The following MAU2 variants were observed in gnomAD, a reference collection of about 807,000 sequenced individuals.
The protein encoded by MAU2 is MAU2 chromatid cohesion factor homolog.
A neutral mutation model predicts 89.1 loss-of-function variants in MAU2; 9 were observed. That is an observed-to-expected ratio of 0.10 (90% CI 0.06 to 0.18). MAU2 has a LOEUF of 0.18. Among genes scored for constraint, MAU2 ranks in the 10% least tolerant of loss-of-function variants. The pLI is 1.00. For synonymous variants in MAU2, 357 were observed against 343.4 expected (o/e 1.04, Z -0.44); for missense variants, 425 against 803.5 (o/e 0.53, Z 5.69).
chr19:19,344,554 C>T, intron 10 of MAU2: 1 of 513,328 alleles, frequency 1.9e-6, no homozygotes, highest in Non-Finnish European at 3.5e-6. Context: ...CACTCTACCC[C>T]CAGTACCCAC....
In MAU2 at chr19:19,321,143, C is replaced by T. The variant is rs778933017; in HGVS notation, c.276+8C>T. 3.8e-6 allele frequency: 6 copies of T among 1,581,308 alleles called. No individual in the cohort carries two copies. Among genetic ancestry groups the T allele is most frequent in the Non-Finnish European group, 4.3e-6 (5 of 1,163,448 alleles). On this transcript the variant is annotated splice_region_variant and intron_variant, in intron 1 of 18. Coordinates refer to ENST00000262815, the MANE Select transcript of MAU2 (RefSeq NM_015329.4). Reference sequence around the variant, plus strand: ...AGCCACCTGGAGAAGGCGGTGAGCGCGGGCCGGGCCGCGAGGGAGGAGTCG... The same window carrying T: ...AGCCACCTGGAGAAGGCGGTGAGCGTGGGCCGGGCCGCGAGGGAGGAGTCG...
rs567297359 is a variant in MAU2, at chr19:19,322,860, G to A, written c.276+1725G>A. Among the ~76,000 whole-genome samples the A allele has an allele frequency of 1.2e-4, 19 of 152,246 alleles. No homozygotes were observed. In the East Asian group the frequency reaches 3.7e-3, roughly 29 times the overall value. ...AAATCTTTGTTTCACAGACTGAAAAGTTGGAAGGAGACTTTATTTTATTTT... is the reference window on the plus strand; with the variant it reads ...AAATCTTTGTTTCACAGACTGAAAAATTGGAAGGAGACTTTATTTTATTTT... On this transcript the variant is annotated intron_variant, in intron 1 of 18. Transcript: ENST00000262815.
intron 1 of MAU2, among the ~76,000 whole-genome samples, chr19:19,324,715 C>G (rs755264737): frequency 3.9e-5 from 6 of 152,220 alleles, no homozygotes; most frequent in Non-Finnish European, 7.3e-5. Context: ...GAAGGGTCTT[C>G]CACTGAGCCA....
rs933726950 is a variant in MAU2 at position 19,348,917 on chromosome 19, C to T, written c.1337C>T (p.Pro446Leu). 1 of 1,613,816 alleles carries T rather than the reference C, an allele frequency of 6.2e-7. No homozygotes were observed. Among genetic ancestry groups the T allele is most frequent in the Non-Finnish European group, 8.5e-7 (1 of 1,179,964 alleles). ...VLYSLLERIN[P>L]DHSFPVSSHC... The stretch of plus-strand genomic sequence containing the variant: ...TACAGTCTGCTGGAGAGGATCAACC[C>T]GGACCACAGCTTCCCTGTCAGGTGA... The change falls in exon 14 of 19, where the codon CCG (proline) becomes CTG (leucine). Residue 446 changes from proline to leucine, a missense_variant. Pro to Leu is a moderately conservative substitution (Grantham distance 98, BLOSUM62 -3). Coordinates refer to ENST00000262815, the MANE Select transcript of MAU2 (RefSeq NM_015329.4).
chr19:19,326,185 G>A (rs546349259), intron 1 of MAU2, among the ~76,000 whole-genome samples: 11 of 151,808 alleles, frequency 7.2e-5, no homozygotes, highest in East Asian at 1.9e-4. Context: ...ATTTTAAGTC[G>A]TCTAGAAAGA....
intron 6 of MAU2, among the ~76,000 whole-genome samples, 159 bp downstream of exon 6, chr19:19,341,032 C>T (rs2061640705): frequency 6.6e-6 from 1 of 152,184 alleles, no homozygotes; most frequent in Non-Finnish European, 1.5e-5. Context: ...GAGGCCCGGG[C>T]CCTGCTGGGT....
intron 2 of MAU2, among the ~76,000 whole-genome samples, 172 bp downstream of exon 2, chr19:19,335,907 C>T (rs569923362): frequency 7.2e-5 from 11 of 152,304 alleles, no homozygotes; most frequent in African/African-American, 2.2e-4. Flanking sequence ...GCGCTGTGCT[C>T]CTCTTTGTGC....
chr19:19,347,451 C>T (rs2061702610), intron 13 of MAU2, 85 bp downstream of exon 13: 3 of 1,069,362 alleles, frequency 2.8e-6, no homozygotes, highest in Non-Finnish European at 4.3e-6. Flanking sequence ...GGCACCAGCA[C>T]ATCTCAGCAG....
Position 19,345,428 on chromosome 19 carries a change from G to A in MAU2, c.1221+59G>A. On this transcript the variant is annotated intron_variant, in intron 12 of 18. Transcript: ENST00000262815. The surrounding 1 kb of genome is among the most constrained non-coding windows in gnomAD (Gnocchi z 4.9). ...GGCCACACTTCTGAGTAAGGAGTCG[G>A]GCGTGGTCTGTGATGAGGACAGCAG... The A allele has an allele frequency of 6.4e-7, 1 of 1,555,808 alleles. No individual in the cohort carries two copies. The highest frequency in any genetic ancestry group is 2.2e-5 in the East Asian group (1 of 44,588).
rs751085976 is a variant in MAU2 at position 19,321,098 on chromosome 19, A to G, written c.239A>G (p.Lys80Arg). The G allele has an allele frequency of 3.1e-6, 5 of 1,605,544 alleles. No individual in the cohort carries two copies. In the South Asian group the frequency reaches 3.4e-5, roughly 11 times the overall value. Residue 80 changes from lysine (K) to arginine (R), a missense_variant, in exon 1 of 19, where the codon AAG (lysine) becomes AGG (arginine). By Grantham distance (26) the Lys-to-Arg change is conservative. Coordinates refer to ENST00000262815, the MANE Select transcript of MAU2 (RefSeq NM_015329.4). ...GGCTCCGTTCTCTATCACCACACCA[A>G]GAACAGCGAGCAGGCGCGCAGCCAC... Reference protein sequence around the residue: ...QLGSVLYHHTKNSEQARSHLE... With the variant: ...QLGSVLYHHTRNSEQARSHLE...
intron 5 of MAU2, among the ~76,000 whole-genome samples, 188 bp from the exon 6 acceptor site, chr19:19,340,658 T>G (rs931164133): frequency 1.3e-5 from 2 of 151,876 alleles, no homozygotes; most frequent in African/African-American, 4.8e-5. Context: ...AATAAATAAA[T>G]AAAAATAAAA....
At chr19:19,321,304 G>C (rs1290565611) in intron 1 of MAU2, among the ~76,000 whole-genome samples, 169 bp downstream of exon 1, 1 of 152,160 alleles carries the variant, frequency 6.6e-6, no homozygotes, top group African/African-American at 2.4e-5. Context: ...AAAGCCACCA[G>C]CCTCTCAAGG....
chr19:19,346,296 C>T (rs2061692444), intron 12 of MAU2, among the ~76,000 whole-genome samples: 2 of 152,120 alleles, frequency 1.3e-5, no homozygotes, highest in African/African-American at 2.4e-5. Flanking sequence ...CTCCTCGTGG[C>T]CCTGCCATCC....
rs769464815 is a variant in MAU2, at chr19:19,347,363, G to A, written c.1305G>A (p.Glu435=). 3 of 1,611,678 alleles carry A rather than the reference G, an allele frequency of 1.9e-6. No homozygotes were observed. Among genetic ancestry groups the A allele is most frequent in the Non-Finnish European group, 1.7e-6 (2 of 1,178,016 alleles). Residue 435 remains glutamate, a synonymous_variant, in exon 13 of 19, where the codon GAG becomes GAA. Coordinates refer to ENST00000262815, the MANE Select transcript of MAU2 (RefSeq NM_015329.4). The stretch of plus-strand genomic sequence containing the variant: ...TACGGGAAGGAAATAGACACCAAGA[G>A]GTAGTAGGTGACATGCTTCATGTTC... ...VYIREGNRHQ[E]VLYSLLERIN...
chr19:19,347,192 T>G (rs1396402828), intron 12 of MAU2, 88 bp from the exon 13 acceptor site: 3 of 798,050 alleles, frequency 3.8e-6, no homozygotes, highest in Non-Finnish European at 6.7e-6. Flanking sequence ...TCCAAAGTAG[T>G]CTCCGTGGAG....
chr19:19,350,545 G>T (rs979436533), intron 16 of MAU2, among the ~76,000 whole-genome samples: 6 of 151,322 alleles, frequency 4.0e-5, no homozygotes, highest in African/African-American at 1.5e-4. Flanking sequence ...CAGAGAGGTT[G>T]CAGTAAGCCG....
At chr19:19,342,916 C>G (rs758050254) in intron 9 of MAU2, 50 bp downstream of exon 9, 1 of 1,596,552 alleles carries the variant, frequency 6.3e-7, no homozygotes, top group African/African-American at 1.3e-5. Context: ...CCCTGGCGGA[C>G]GGCCTGGCCA....
At chr19:19,332,245 C>T (rs937056389) in intron 1 of MAU2, among the ~76,000 whole-genome samples, 7 of 151,486 alleles carry the variant, frequency 4.6e-5, no homozygotes, top group Non-Finnish European at 7.4e-5. Context: ...ACTGCAGCCC[C>T]AAACTCCTGG....
chr19:19,357,402 G>A lies in MAU2; in HGVS notation c.*1620G>A, dbSNP rs1280794453. ...ACTGTCCCTGTCCTGTCTTCCTCCC[G>A]AGCCATGGCCTCTGCTAGCTCCACC... On this transcript the variant is annotated 3_prime_UTR_variant, in exon 19 of 19. Coordinates refer to ENST00000262815, the MANE Select transcript of MAU2 (RefSeq NM_015329.4). 1.3e-5 allele frequency: 2 copies of A among 152,392 alleles called. No individual in the cohort carries two copies. Among genetic ancestry groups the A allele is most frequent in the East Asian group, 1.9e-4 (1 of 5,178 alleles). 9.4% of individuals were successfully genotyped at this position (152,392 alleles called of 1,614,324 possible).
Sources: gnomAD v4.1 joint callset for allele counts (sites outside exome capture counted in the v4.1 genomes callset) on GRCh38, gnomAD v4.1.1 for gene constraint, Gnocchi (gnomAD v3.1) non-coding constraint, MANE v1.5 for transcripts, NCBI Gene and HGNC (gene_info 2026-07-23, HGNC 2026-07-21) for gene names.